Variants in ANKS1B observed in about 807,000 individuals in gnomAD.
The protein encoded by ANKS1B is ankyrin repeat and sterile alpha motif domain-containing protein 1B.
ANKS1B carries 36 observed loss-of-function variants against 148.3 expected under a neutral mutation model. The observed-to-expected ratio is 0.24, with a 90% CI of 0.19 to 0.32. ANKS1B has a LOEUF of 0.32. Among genes scored for constraint, ANKS1B ranks in the 10% least tolerant of loss-of-function variants. The pLI, the probability that ANKS1B is intolerant of heterozygous loss-of-function variation, is 1.00. For synonymous variants in ANKS1B, 542 were observed against 560.8 expected, an observed-to-expected ratio of 0.97 and a Z score of 0.47; for missense variants, 1,157 against 1,542.6, an observed-to-expected ratio of 0.75 and a Z score of 4.19.
chr12:99,024,811 A>G (rs1229647325), intron 17 of ANKS1B, among the ~76,000 whole-genome samples: 1 of 151,936 alleles, frequency 6.6e-6, no homozygotes, highest in Non-Finnish European at 1.5e-5. Context: ...TGGCCTGTAC[A>G]CCCCCAGGGA....
chr12:98,742,259 TGAA>T (rs1014912170), downstream of ANKS1B, among the ~76,000 whole-genome samples: 1 of 152,004 alleles, frequency 6.6e-6, no homozygotes, highest in African/African-American at 2.4e-5. Context: ...AGATGACAAA[TGAA>T]GGATGTCTTA....
At chr12:99,316,656 A>G (rs2084164468) in intron 12 of ANKS1B, among the ~76,000 whole-genome samples, 1 of 151,930 alleles carries the variant, frequency 6.6e-6, no homozygotes, top group African/African-American at 2.4e-5. Context: ...TTTGCTGTGC[A>G]GAAGCTCTTT....
intron 12 of ANKS1B, among the ~76,000 whole-genome samples, chr12:99,250,253 G>T (rs1423539266): frequency 6.6e-6 from 1 of 152,174 alleles, no homozygotes; most frequent in South Asian, 2.1e-4. Flanking sequence ...AATGAATAGT[G>T]GCCTAGAGAG....
intron 9 of ANKS1B, among the ~76,000 whole-genome samples, chr12:99,558,897 C>T (rs1444011497): frequency 6.6e-6 from 1 of 152,190 alleles, no homozygotes; most frequent in Non-Finnish European, 1.5e-5. Context: ...TACAACCTAT[C>T]TAGGCAGCTC....
intron 8 of ANKS1B, among the ~76,000 whole-genome samples, chr12:99,764,889 A>G (rs886732093): frequency 3.3e-5 from 5 of 152,186 alleles, no homozygotes; most frequent in Non-Finnish European, 7.3e-5. Flanking sequence ...GGAAAATGAC[A>G]TGACCAGAAT....
At chr12:99,772,240 T>C (rs1022047247) in intron 8 of ANKS1B, among the ~76,000 whole-genome samples, 22 of 152,080 alleles carry the variant, frequency 1.4e-4, no homozygotes, top group African/African-American at 4.8e-4. Flanking sequence ...TCTAATCTTA[T>C]CTCCCCTCTT....
chr12:99,535,871 A>C (rs10860459), intron 9 of ANKS1B, among the ~76,000 whole-genome samples: 34,286 of 152,128 alleles, frequency 0.23, 4,071 homozygotes, highest in East Asian at 0.3. Context: ...GATTTATTCA[A>C]GAAAATCATC....
At chr12:99,351,392 G>A (rs1306786576) in intron 12 of ANKS1B, among the ~76,000 whole-genome samples, 4 of 151,222 alleles carry the variant, frequency 2.6e-5, no homozygotes, top group African/African-American at 9.7e-5. Flanking sequence ...TAATTTTGGT[G>A]GTAATCCTGG....
chr12:99,374,829 CTTAT>C (rs1566980623), intron 12 of ANKS1B, among the ~76,000 whole-genome samples: 1 of 152,022 alleles, frequency 6.6e-6, no homozygotes, highest in Non-Finnish European at 1.5e-5. Context: ...AATTTGTTTA[CTTAT>C]TTATTTTATT....
chr12:99,042,103 A>C (rs1397937979), intron 17 of ANKS1B, among the ~76,000 whole-genome samples: 2 of 152,188 alleles, frequency 1.3e-5, no homozygotes, highest in Non-Finnish European at 2.9e-5. Flanking sequence ...CACTGATTGC[A>C]GTAATGGTCC....
rs112513676 is a variant in ANKS1B, at chr12:98,788,212, C to T, written c.3343-6075G>A. ...CTGAGGTCAGGAGTTCAAGACCAGC[C>T]GGACCAACATGGTGAAACCCCCCAT... On this transcript the variant is annotated intron_variant, in intron 22 of 26. Transcript: ENST00000683438. Among the ~76,000 whole-genome samples the T allele has an allele frequency of 7.3e-3, 1,087 of 148,176 alleles. 11 individuals carry two copies. Among genetic ancestry groups the T allele is most frequent in the African/African-American group, 0.026 (1,032 of 40,020 alleles).
intron 1 of ANKS1B, among the ~76,000 whole-genome samples, chr12:99,894,725 A>C (rs2093319746): frequency 6.7e-6 from 1 of 149,144 alleles, no homozygotes; most frequent in Non-Finnish European, 1.5e-5. Flanking sequence ...ATTTCACCCC[A>C]CTCTGTGATC....
At chr12:99,377,875 C>T (rs1021240554) in intron 12 of ANKS1B, among the ~76,000 whole-genome samples, 2 of 152,154 alleles carry the variant, frequency 1.3e-5, no homozygotes, top group Non-Finnish European at 2.9e-5. Context: ...CCCCCTTAAA[C>T]CTGGACAGGT....
intron 9 of ANKS1B, among the ~76,000 whole-genome samples, chr12:99,518,043 C>A (rs1002840098): frequency 7.2e-5 from 11 of 152,134 alleles, no homozygotes; most frequent in African/African-American, 2.7e-4. Context: ...ATATGTTGAA[C>A]CATCCTTGCC....
At chr12:99,269,135 T>C (rs1602249051) in intron 12 of ANKS1B, among the ~76,000 whole-genome samples, 1 of 152,358 alleles carries the variant, frequency 6.6e-6, no homozygotes, top group East Asian at 1.9e-4. Context: ...ATCTGGGAAA[T>C]GGCTCCTAAA....
At chr12:99,371,351 G>A (rs904699943) in intron 12 of ANKS1B, among the ~76,000 whole-genome samples, 44 of 152,116 alleles carry the variant, frequency 2.9e-4, no homozygotes, top group African/African-American at 1.0e-3. Flanking sequence ...GTGATAGTTT[G>A]ATGGAGGAAG....
At chr12:99,260,481 T>C (rs956588676) in intron 12 of ANKS1B, among the ~76,000 whole-genome samples, 2 of 152,172 alleles carry the variant, frequency 1.3e-5, no homozygotes, top group African/African-American at 4.8e-5. Context: ...GATACTTCAT[T>C]TCAAAAGAGC....
intron 12 of ANKS1B, among the ~76,000 whole-genome samples, chr12:99,335,940 C>G (rs554585010): frequency 1.3e-5 from 2 of 152,118 alleles, no homozygotes; most frequent in African/African-American, 4.8e-5. Context: ...AACCTCCATA[C>G]TGTTCTCCAT....
intron 10 of ANKS1B, among the ~76,000 whole-genome samples, chr12:99,494,173 T>C (rs959134623): frequency 3.9e-5 from 6 of 152,268 alleles, no homozygotes; most frequent in African/African-American, 1.4e-4. Context: ...GATCGAGAAA[T>C]GCCCTTTTTG....
Sources: allele counts gnomAD v4.1 joint callset (sites outside exome capture counted in the v4.1 genomes callset), GRCh38; gene constraint gnomAD v4.1.1; transcripts MANE v1.5; gene names NCBI Gene and HGNC (gene_info 2026-07-23, HGNC 2026-07-21).